Variants in INSYN2A observed in about 807,000 individuals in gnomAD.
INSYN2A encodes the protein family with sequence similarity 196 member A.
A neutral mutation model predicts 39.4 loss-of-function variants in INSYN2A; 17 were observed. The observed-to-expected ratio is 0.43, with a 90% CI of 0.30 to 0.65. The LOEUF (loss-of-function observed/expected upper bound fraction) is 0.65. INSYN2A is among the 30% of genes least tolerant of loss of function. INSYN2A has a pLI of 0.14. For missense variants in INSYN2A, 595 were observed against 631.2 expected (o/e 0.94, Z 0.61); for synonymous variants, 255 against 265.7 (o/e 0.96, Z 0.39).
At chr10:127,163,434 G>T (rs1180050330) in intron 4 of INSYN2A, among the ~76,000 whole-genome samples, 2 of 152,102 alleles carry the variant, frequency 1.3e-5, no homozygotes, top group Non-Finnish European at 2.9e-5. Context: ...AGAGGTTTTT[G>T]TCTGTTCCCG....
At chr10:127,144,486 T>A (rs1047193033) in intron 5 of INSYN2A, among the ~76,000 whole-genome samples, 1 of 152,356 alleles carries the variant, frequency 6.6e-6, no homozygotes, top group Admixed American at 6.5e-5. Context: ...CAGTGCTGGC[T>A]CTGAACCTGC....
intron 4 of INSYN2A, among the ~76,000 whole-genome samples, chr10:127,164,258 A>G (rs2053879497): frequency 1.5e-5 from 2 of 135,120 alleles, no homozygotes; most frequent in Non-Finnish European, 3.0e-5. Flanking sequence ...ATCTGGGCTC[A>G]CTGCAAACTC....
chr10:127,162,637 T>G (rs2053685660), intron 4 of INSYN2A, among the ~76,000 whole-genome samples: 1 of 152,242 alleles, frequency 6.6e-6, no homozygotes, highest in Non-Finnish European at 1.5e-5. Context: ...CACCTGTACA[T>G]GTAAACTCCA....
chr10:127,187,878 T>C (rs1013439605), intron 2 of INSYN2A, among the ~76,000 whole-genome samples: 4 of 152,164 alleles, frequency 2.6e-5, no homozygotes, highest in African/African-American at 9.7e-5. Context: ...GTTCCACTGT[T>C]TGTTTTAAAT....
intron 2 of INSYN2A, among the ~76,000 whole-genome samples, chr10:127,190,906 C>T (rs910588318): frequency 1.3e-5 from 2 of 152,076 alleles, no homozygotes; most frequent in Non-Finnish European, 2.9e-5. Flanking sequence ...CTCCTCTCCT[C>T]TGGTTTGCCT....
rs141048154 is a variant in INSYN2A at position 127,143,634 on chromosome 10, T to G, written c.1257-5614A>C. ...CACAACAATTTATGTCAACTGACAT[T>G]GGCGCCAACTTGGCCGGTTTTATGT... On this transcript the variant is annotated intron_variant, in intron 5 of 5. Transcript: ENST00000522781. 4.9e-4 allele frequency among the ~76,000 whole-genome samples: 75 copies of G among 152,286 alleles called. 1 individual carries two copies. In the East Asian group the frequency reaches 0.013, roughly 26 times the overall value.
intron 2 of INSYN2A, among the ~76,000 whole-genome samples, chr10:127,177,462 T>G (rs1253487586): frequency 6.6e-6 from 1 of 152,156 alleles, no homozygotes; most frequent in Admixed American, 6.5e-5. Context: ...GAAAATAGAG[T>G]TAAGTGTGTT....
At chr10:127,159,085 A>T (rs1353919260) in intron 4 of INSYN2A, among the ~76,000 whole-genome samples, 1 of 152,166 alleles carries the variant, frequency 6.6e-6, no homozygotes, top group Non-Finnish European at 1.5e-5. Flanking sequence ...AAGCTATAAG[A>T]ACATAGACTC....
intron 2 of INSYN2A, among the ~76,000 whole-genome samples, chr10:127,178,831 C>G (rs1033476110): frequency 6.6e-6 from 1 of 152,124 alleles, no homozygotes; most frequent in African/African-American, 2.4e-5. Flanking sequence ...GAGAAAGCAT[C>G]GATGGCTTTT....
In INSYN2A at chr10:127,170,222, T is replaced by G. The variant is rs77658889; in HGVS notation, c.1184+4990A>C. Among the ~76,000 whole-genome samples the G allele has an allele frequency of 2.8e-4, 43 of 152,270 alleles. 1 individual carries two copies. Among genetic ancestry groups the G allele is most frequent in the Non-Finnish European group, 5.6e-4 (38 of 68,032 alleles). On this transcript the variant is annotated intron_variant, in intron 4 of 5. Coordinates refer to ENST00000522781, the MANE Select transcript of INSYN2A (RefSeq NM_001039762.3). ...TGGTGTGTTACTTAGGATTTTCTGT[T>G]TTTAATCATACTCTTGCCTTTGCTC...
chr10:127,175,604 C>T lies in INSYN2A; in HGVS notation c.792G>A (p.Arg264=). 6.2e-7 allele frequency: 1 copy of T among 1,612,750 alleles called. No homozygotes were observed. Among genetic ancestry groups the T allele is most frequent in the Non-Finnish European group, 8.5e-7 (1 of 1,179,908 alleles). ...ATVYAPALSA[R]APEPGLSDSA... ...AGTCTGACAAACCAGGCTCGGGGGC[C>T]CTGGCACTGAGGGCAGGTGCGTAAA... The change falls in exon 4 of 6, where the codon AGG becomes AGA. Residue 264 remains arginine (R), a synonymous_variant. Transcript: ENST00000522781. The surrounding 1 kb of genome is among the most constrained non-coding windows in gnomAD (Gnocchi z 6.3).
At chr10:127,159,545 A>T (rs1482951032) in intron 4 of INSYN2A, among the ~76,000 whole-genome samples, 1 of 152,190 alleles carries the variant, frequency 6.6e-6, no homozygotes, top group East Asian at 1.9e-4. Flanking sequence ...ATTTATTTTC[A>T]AAAGTAGTGA....
intron 5 of INSYN2A, among the ~76,000 whole-genome samples, chr10:127,144,460 T>A (rs765019707): frequency 6.6e-6 from 1 of 152,228 alleles, no homozygotes; most frequent in Non-Finnish European, 1.5e-5. Context: ...ATCTTTTGTC[T>A]GCAGTGCATT....
chr10:127,160,805 C>T (rs929258518), intron 4 of INSYN2A, among the ~76,000 whole-genome samples: 2 of 152,168 alleles, frequency 1.3e-5, no homozygotes, highest in Non-Finnish European at 2.9e-5. Context: ...TAAGTTTGAT[C>T]TCTCTTGTTC....
rs1022356166 is a variant in INSYN2A at position 127,136,829 on chromosome 10, G to C, written c.*1008C>G. 2 of 152,512 alleles carry C rather than the reference G, an allele frequency of 1.3e-5. No homozygotes were observed. Among genetic ancestry groups the C allele is most frequent in the African/African-American group, 2.4e-5 (1 of 41,398 alleles). 9.4% of individuals were successfully genotyped at this position (152,512 alleles called of 1,614,324 possible). A position where few individuals can be genotyped will look rare whatever the true frequency, so the allele number is the denominator to read the frequency against. ...ACTGTTTCTCTTTGAGATGGTCAGG[G>C]CTTCCACCATTAATACAAAGCATAA... On this transcript the variant is annotated 3_prime_UTR_variant, in exon 6 of 6. Coordinates refer to ENST00000522781, the MANE Select transcript of INSYN2A (RefSeq NM_001039762.3).
chr10:127,157,909 G>C (rs1354709086), intron 4 of INSYN2A, among the ~76,000 whole-genome samples: 1 of 152,202 alleles, frequency 6.6e-6, no homozygotes, highest in East Asian at 1.9e-4. Context: ...TTCACAGGCA[G>C]CTGCCAGCAG....
chr10:127,175,767 T>C lies in INSYN2A; in HGVS notation c.629A>G (p.Gln210Arg), dbSNP rs771096143. 12 of 1,614,172 alleles carry C rather than the reference T, an allele frequency of 7.4e-6. No individual in the cohort carries two copies. The East Asian group carries it at 2.7e-4, about 36-fold the overall frequency. ...EPLSYGEAAL[Q>R]NSTRPPSEEP... ...TTCGGATGGAGGCCGAGTGGAGTTT[T>C]GGAGCGCAGCTTCTCCATAGCTGAG... The change falls in exon 4 of 6, where the codon CAA (glutamine) becomes CGA (arginine). Residue 210 changes from glutamine (Q) to arginine (R), a missense_variant. Physicochemically the swap from Gln to Arg is conservative, Grantham distance 43. Coordinates refer to ENST00000522781, the MANE Select transcript of INSYN2A (RefSeq NM_001039762.3). The surrounding 1 kb of genome is among the most constrained non-coding windows in gnomAD (Gnocchi z 6.3).
chr10:127,154,875 T>C (rs1424034234), intron 4 of INSYN2A, among the ~76,000 whole-genome samples: 2 of 152,350 alleles, frequency 1.3e-5, no homozygotes, highest in East Asian at 3.9e-4. Flanking sequence ...GGAGTTGCCT[T>C]GGCTGTTTCT....
At chr10:127,172,901 G>A (rs1455041529) in intron 4 of INSYN2A, among the ~76,000 whole-genome samples, 1 of 152,230 alleles carries the variant, frequency 6.6e-6, no homozygotes, top group Non-Finnish European at 1.5e-5. Flanking sequence ...TCTTATGTAT[G>A]TGGCTATCGA....
Sources: allele counts gnomAD v4.1 joint callset (sites outside exome capture counted in the v4.1 genomes callset), GRCh38; gene constraint gnomAD v4.1.1; non-coding constraint Gnocchi (gnomAD v3.1); transcripts MANE v1.5; gene names NCBI Gene and HGNC (gene_info 2026-07-23, HGNC 2026-07-21).